The following DIAPH3 variants were observed in gnomAD, a reference collection of about 807,000 sequenced individuals.
DIAPH3 encodes protein diaphanous homolog 3.
A neutral mutation model predicts 144.3 loss-of-function variants in DIAPH3; 117 were observed. That is an observed-to-expected ratio of 0.81 (90% CI 0.70 to 0.95). The LOEUF (loss-of-function observed/expected upper bound fraction) is 0.95. Among genes scored for constraint, DIAPH3 ranks in the 40% least tolerant of loss-of-function variants. DIAPH3 has a pLI of 0.00. For missense variants in DIAPH3, 1,421 were observed against 1,412.7 expected (o/e 1.01, Z -0.09); for synonymous variants, 519 against 488.9 (o/e 1.06, Z -0.81).
rs1174439065 is a variant in DIAPH3 at position 59,839,185 on chromosome 13, T to A, written c.2862+139A>T. The A allele has an allele frequency of 3.0e-5, 28 of 937,122 alleles. No homozygotes were observed. The East Asian group carries it at 7.8e-4, about 26-fold the overall frequency. 58.1% of individuals were successfully genotyped at this position (937,122 alleles called of 1,614,324 possible). A position where few individuals can be genotyped will look rare whatever the true frequency, so the allele number is the denominator to read the frequency against. ...TGACAGACACTTTGATAAATTTCCC[T>A]GCAAGAAGGCAAAGGTTAAACTTTC... is the stretch of plus-strand genomic sequence containing the variant. On this transcript the variant is annotated intron_variant, in intron 23 of 27. Coordinates refer to ENST00000400324, the MANE Select transcript of DIAPH3 (RefSeq NM_001042517.2).
At chr13:59,675,586 G>A (rs928562322) in intron 27 of DIAPH3, among the ~76,000 whole-genome samples, 3 of 152,022 alleles carry the variant, frequency 2.0e-5, no homozygotes, top group African/African-American at 4.8e-5. Flanking sequence ...TGGTTTCACC[G>A]TGTTAGCCAG....
At chr13:59,717,602 A>G (rs2035125386) in intron 27 of DIAPH3, among the ~76,000 whole-genome samples, 1 of 152,244 alleles carries the variant, frequency 6.6e-6, no homozygotes. Context: ...TATACAATAC[A>G]AATATTGTAT....
intron 14 of DIAPH3, among the ~76,000 whole-genome samples, chr13:59,979,466 T>G (rs2050865401): frequency 6.6e-6 from 1 of 151,556 alleles, no homozygotes; most frequent in Non-Finnish European, 1.5e-5. Context: ...TAAATTTAAA[T>G]GATCCATTAA....
chr13:60,044,649 G>A (rs1357303863), intron 4 of DIAPH3, among the ~76,000 whole-genome samples: 1 of 152,078 alleles, frequency 6.6e-6, no homozygotes, highest in African/African-American at 2.4e-5. Flanking sequence ...AATAACTACT[G>A]TTAATATATT....
chr13:59,713,183 C>T (rs2034841009), intron 27 of DIAPH3, among the ~76,000 whole-genome samples: 1 of 151,044 alleles, frequency 6.6e-6, no homozygotes, highest in Non-Finnish European at 1.5e-5. Flanking sequence ...GTGCCTGGCA[C>T]ATAAGAAGTG....
intron 22 of DIAPH3, among the ~76,000 whole-genome samples, chr13:59,842,608 A>G (rs1419811055): frequency 6.6e-6 from 1 of 152,032 alleles, no homozygotes; most frequent in Non-Finnish European, 1.5e-5. Flanking sequence ...CACTCCCACA[A>G]AACTACCCTC....
At chr13:59,825,208 C>A (rs2041322529) in intron 24 of DIAPH3, among the ~76,000 whole-genome samples, 2 of 151,958 alleles carry the variant, frequency 1.3e-5, no homozygotes, top group African/African-American at 4.8e-5. Flanking sequence ...CCACAACAGT[C>A]CCCAGAGTGT....
intron 1 of DIAPH3, among the ~76,000 whole-genome samples, chr13:60,133,704 A>G (rs1255389404): frequency 6.6e-6 from 1 of 152,174 alleles, no homozygotes; most frequent in Non-Finnish European, 1.5e-5. Flanking sequence ...AAAGAAAAAA[A>G]TAATTATTTA....
chr13:60,082,568 A>C (rs2057597019), intron 4 of DIAPH3, among the ~76,000 whole-genome samples: 1 of 151,968 alleles, frequency 6.6e-6, no homozygotes, highest in African/African-American at 2.4e-5. Flanking sequence ...AGTATTATTC[A>C]AGATCCTATA....
intron 27 of DIAPH3, among the ~76,000 whole-genome samples, chr13:59,721,728 T>A (rs2035356120): frequency 6.6e-6 from 1 of 152,208 alleles, no homozygotes; most frequent in South Asian, 2.1e-4. Context: ...GGCAAGAGGT[T>A]GTACCATACA....
chr13:59,950,206 T>G (rs35312400), intron 17 of DIAPH3, among the ~76,000 whole-genome samples: 286 of 152,280 alleles, frequency 1.9e-3, no homozygotes, highest in African/African-American at 6.3e-3. Flanking sequence ...ACCTCCCTAA[T>G]GTAAACACAA....
chr13:59,770,641 A>G (rs1217194892), intron 27 of DIAPH3, among the ~76,000 whole-genome samples: 2 of 151,804 alleles, frequency 1.3e-5, no homozygotes, highest in African/African-American at 2.4e-5. Flanking sequence ...CCTCATTTCT[A>G]CTCATCTTTC....
chr13:60,156,622 C>T (rs1952034723), intron 1 of DIAPH3, among the ~76,000 whole-genome samples: 1 of 151,914 alleles, frequency 6.6e-6, no homozygotes, highest in Non-Finnish European at 1.5e-5. Context: ...AAGAGATTCA[C>T]AAGTTGAATA....
intron 11 of DIAPH3, 84 bp downstream of exon 11, chr13:59,991,984 T>C (rs1164568275): frequency 9.6e-7 from 1 of 1,037,462 alleles, no homozygotes; most frequent in African/African-American, 1.6e-5. Context: ...TATATAGAAA[T>C]GAGCTAAATA....
At chr13:59,984,096 G>C (rs888859816) in intron 12 of DIAPH3, among the ~76,000 whole-genome samples, 5 of 151,548 alleles carry the variant, frequency 3.3e-5, no homozygotes, top group Admixed American at 2.6e-4. Flanking sequence ...CATTTTTATA[G>C]TCTTTTAGGA....
intron 19 of DIAPH3, 132 bp from the exon 20 acceptor site, chr13:59,911,968 T>C: frequency 1.4e-6 from 1 of 708,480 alleles, no homozygotes; most frequent in Non-Finnish European, 2.4e-6. Context: ...ACCTCCCTCC[T>C]AATAAGCCTT....
chr13:60,028,113 T>C (rs2054514741), intron 5 of DIAPH3, among the ~76,000 whole-genome samples: 1 of 152,156 alleles, frequency 6.6e-6, no homozygotes, highest in Non-Finnish European at 1.5e-5. Flanking sequence ...ATTTCCTTCT[T>C]CTTTGAACTC....
chr13:59,839,840 G>A (rs753112434), intron 22 of DIAPH3, among the ~76,000 whole-genome samples: 26 of 152,154 alleles, frequency 1.7e-4, no homozygotes, highest in Non-Finnish European at 2.9e-4. Context: ...TCTTGACAGG[G>A]AACAGTGAGT....
chr13:60,033,594 A>G (rs1386561073), intron 5 of DIAPH3, among the ~76,000 whole-genome samples: 2 of 152,082 alleles, frequency 1.3e-5, no homozygotes, highest in African/African-American at 4.8e-5. Context: ...CTTTTAAATG[A>G]CCAGATCTCA....
Sources: gnomAD v4.1 joint callset for allele counts (sites outside exome capture counted in the v4.1 genomes callset) on GRCh38, gnomAD v4.1.1 for gene constraint, MANE v1.5 for transcripts, NCBI Gene and HGNC (gene_info 2026-07-23, HGNC 2026-07-21) for gene names.